Variants in ITFG1 observed in about 807,000 individuals in gnomAD.
The protein encoded by ITFG1 is T-cell immunomodulatory protein.
In ITFG1, 34 loss-of-function variants were observed where a neutral mutation model predicts 81.8. That is an observed-to-expected ratio of 0.42 (90% confidence interval 0.32 to 0.55). The LOEUF (loss-of-function observed/expected upper bound fraction) is 0.55. ITFG1 is among the 20% of genes least tolerant of loss of function. The probability of loss-of-function intolerance (pLI) is 0.17; values close to 1 mark genes in which losing one functional copy is unlikely to be tolerated. For missense variants in ITFG1, 672 were observed against 755.4 expected, an observed-to-expected ratio of 0.89 and a Z score of 1.29; for synonymous variants, 285 against 270.6, an observed-to-expected ratio of 1.05 and a Z score of -0.52.
chr16:47,225,946 T>C (rs1390564268), intron 13 of ITFG1, among the ~76,000 whole-genome samples: 1 of 152,190 alleles, frequency 6.6e-6, no homozygotes, highest in African/African-American at 2.4e-5. Flanking sequence ...AAATATATTT[T>C]TGTTTGTAGC....
chr16:47,220,112 T>TGATATGA (rs1303833200), intron 13 of ITFG1, among the ~76,000 whole-genome samples: 1 of 152,228 alleles, frequency 6.6e-6, no homozygotes, highest in African/African-American at 2.4e-5. Flanking sequence ...AGCATGTGTC[T>TGATATGA]GATATGAGTT....
chr16:47,273,410 G>A (rs1382274342), intron 10 of ITFG1, among the ~76,000 whole-genome samples: 1 of 152,158 alleles, frequency 6.6e-6, no homozygotes. Flanking sequence ...AGTGCAGAAT[G>A]CTTAGCTAAG....
chr16:47,454,648 AAATT>A (rs1969429743), intron 2 of ITFG1, among the ~76,000 whole-genome samples: 1 of 152,200 alleles, frequency 6.6e-6, no homozygotes, highest in Non-Finnish European at 1.5e-5. Flanking sequence ...GAAAGCTAGT[AAATT>A]AAGAATGGAA....
intron 6 of ITFG1, among the ~76,000 whole-genome samples, chr16:47,376,213 G>A (rs1017359498): frequency 6.6e-6 from 1 of 151,714 alleles, no homozygotes; most frequent in Non-Finnish European, 1.5e-5. Flanking sequence ...TTTAAATCAT[G>A]TGCCTTTTAA....
At chr16:47,458,693 C>T (rs1969483066) in intron 2 of ITFG1, among the ~76,000 whole-genome samples, 1 of 152,000 alleles carries the variant, frequency 6.6e-6, no homozygotes, top group Admixed American at 6.6e-5. Flanking sequence ...GTCAATTAAA[C>T]AAAAAAATTA....
intron 10 of ITFG1, among the ~76,000 whole-genome samples, chr16:47,282,969 T>G (rs887636343): frequency 2.0e-5 from 3 of 152,186 alleles, no homozygotes; most frequent in Non-Finnish European, 4.4e-5. Context: ...TCCTTGTAGA[T>G]TCTGGATATT....
intron 6 of ITFG1, among the ~76,000 whole-genome samples, chr16:47,384,822 A>T (rs991080604): frequency 2.6e-5 from 4 of 152,206 alleles, no homozygotes; most frequent in Non-Finnish European, 4.4e-5. Context: ...TCACACCTGT[A>T]ATCCCAGCAC....
intron 14 of ITFG1, among the ~76,000 whole-genome samples, chr16:47,185,841 A>C (rs551464489): frequency 0.02 from 3,089 of 152,308 alleles, 105 homozygotes; most frequent in African/African-American, 0.07. Flanking sequence ...TGAAAAGATC[A>C]ACAAAACTGA....
intron 10 of ITFG1, among the ~76,000 whole-genome samples, chr16:47,265,220 A>T (rs1029457027): frequency 1.3e-5 from 2 of 151,532 alleles, no homozygotes; most frequent in Non-Finnish European, 2.9e-5. Context: ...CTTCACTAAA[A>T]GGTTTTTAAT....
At position 47,347,216 on chromosome 16, in the gene ITFG1, G is replaced by A. The variant is rs539888348; in HGVS notation, c.802+18572C>T. Among the ~76,000 whole-genome samples, 4 of 152,356 alleles carry A rather than the reference G, an allele frequency of 2.6e-5. No homozygotes were observed. The South Asian group carries it at 6.2e-4, about 24-fold the overall frequency. ...GTGGGTGCAAGACAGTGGGTGCAGC[G>A]CACTGAGCGTGAGCCGAAGCAGGGC... On this transcript the variant is annotated intron_variant, in intron 8 of 17. Coordinates refer to ENST00000320640, the MANE Select transcript of ITFG1 (RefSeq NM_030790.5).
intron 8 of ITFG1, among the ~76,000 whole-genome samples, chr16:47,327,802 A>G (rs1305501044): frequency 5.9e-5 from 9 of 152,148 alleles, no homozygotes; most frequent in East Asian, 1.9e-4. Context: ...TTAGAATGGC[A>G]ATCATTAAAA....
At chr16:47,242,485 C>T (rs1965946130) in intron 12 of ITFG1, among the ~76,000 whole-genome samples, 2 of 151,920 alleles carry the variant, frequency 1.3e-5, no homozygotes, top group Non-Finnish European at 2.9e-5. Context: ...TTAATACATA[C>T]TACAGTACAT....
chr16:47,352,319 G>T (rs1397201973), intron 8 of ITFG1, among the ~76,000 whole-genome samples: 1 of 152,078 alleles, frequency 6.6e-6, no homozygotes, highest in African/African-American at 2.4e-5. Context: ...TCTGACAAAG[G>T]GGTAATATCC....
At chr16:47,389,270 G>T (rs1968501525) in intron 6 of ITFG1, among the ~76,000 whole-genome samples, 1 of 152,108 alleles carries the variant, frequency 6.6e-6, no homozygotes, top group Non-Finnish European at 1.5e-5. Flanking sequence ...AAGGAATTAT[G>T]TAGTTAAAAA....
intron 14 of ITFG1, among the ~76,000 whole-genome samples, chr16:47,175,138 T>A (rs1386419511): frequency 3.9e-5 from 6 of 151,998 alleles, no homozygotes; most frequent in Non-Finnish European, 8.8e-5. Context: ...GGATAAAAAT[T>A]AGAATATTTT....
chr16:47,367,593 C>G (rs1245736213), intron 7 of ITFG1, among the ~76,000 whole-genome samples: 2 of 152,308 alleles, frequency 1.3e-5, no homozygotes, highest in African/African-American at 2.4e-5. Flanking sequence ...TCACAATCTG[C>G]AAGTTGGTTT....
At chr16:47,180,901 C>T (rs1034278393) in intron 14 of ITFG1, among the ~76,000 whole-genome samples, 5 of 149,802 alleles carry the variant, frequency 3.3e-5, no homozygotes, top group African/African-American at 4.9e-5. Flanking sequence ...AAGTGAGGAG[C>T]GTCTCTGCCC....
At chr16:47,448,515 A>C (rs577361964) in intron 5 of ITFG1, 1 of 151,962 alleles carries the variant, frequency 6.6e-6, no homozygotes, top group Non-Finnish European at 1.5e-5. Context: ...GGCAAAGTAT[A>C]TATCTGTCAC....
At chr16:47,245,619 G>A (rs1965991702) in intron 12 of ITFG1, among the ~76,000 whole-genome samples, 2 of 152,162 alleles carry the variant, frequency 1.3e-5, no homozygotes, top group South Asian at 4.2e-4. Context: ...TGGAATAAAT[G>A]TATAGAACAG....
Sources: gnomAD v4.1 joint callset for allele counts (sites outside exome capture counted in the v4.1 genomes callset) on GRCh38, gnomAD v4.1.1 for gene constraint, MANE v1.5 for transcripts, NCBI Gene and HGNC (gene_info 2026-07-23, HGNC 2026-07-21) for gene names.